Variants in TOP1MT observed in about 807,000 individuals in gnomAD.
The protein encoded by TOP1MT is DNA topoisomerase I, mitochondrial.
Under a neutral mutation model 73.9 loss-of-function variants are expected in TOP1MT, and 80 were observed. That is an observed-to-expected ratio of 1.08 (90% CI 0.90 to 1.30). TOP1MT has a LOEUF of 1.30. Ranked by LOEUF, TOP1MT falls within the 50% of genes most tolerant of loss-of-function variation. The pLI, the probability that TOP1MT is intolerant of heterozygous loss-of-function variation, is 0.00. For synonymous variants in TOP1MT, 338 were observed against 326.4 expected (o/e 1.04, Z -0.38); for missense variants, 815 against 808.0 (o/e 1.01, Z -0.10).
upstream of TOP1MT, among the ~76,000 whole-genome samples, chr8:143,357,044 A>G (rs1817421691): frequency 6.7e-6 from 1 of 148,522 alleles, no homozygotes; most frequent in Admixed American, 6.7e-5. Context: ...CAGTGAGCCA[A>G]GATAGTGCCA....
intron 6 of TOP1MT, 75 bp from the exon 7 acceptor site, chr8:143,324,217 TC>T (rs1816640904): frequency 1.3e-6 from 2 of 1,574,106 alleles, no homozygotes; most frequent in Admixed American, 1.7e-5. Flanking sequence ...CAACTCTCCC[TC>T]CCCCAAACCT....
intron 8 of TOP1MT, among the ~76,000 whole-genome samples, chr8:143,320,882 GTC>G (rs1027157145): frequency 2.0e-5 from 3 of 151,880 alleles, no homozygotes; most frequent in Non-Finnish European, 4.4e-5. Context: ...GACAATAAAC[GTC>G]TGTTAAACCA....
chr8:143,350,132 G>C (rs1453704281), intron 1 of TOP1MT: 1 of 152,138 alleles, frequency 6.6e-6, no homozygotes, highest in Admixed American at 6.6e-5. Flanking sequence ...CTCCAATTAT[G>C]TCCAAAGATG....
At chr8:143,342,757 TTAGAGACAGAGTCTTGCTC>T (rs1164588436) in intron 2 of TOP1MT, among the ~76,000 whole-genome samples, 4,847 of 102,178 alleles carry the variant, frequency 0.047, 712 homozygotes, top group Middle Eastern at 0.082. Flanking sequence ...GTTATTATTA[TTAGAGACAGAGTCTTGCTC>T]TATTATTATT....
At chr8:143,354,951 A>G (rs1817383292) in intron 1 of TOP1MT, among the ~76,000 whole-genome samples, 1 of 152,208 alleles carries the variant, frequency 6.6e-6, no homozygotes, top group Non-Finnish European at 1.5e-5. Context: ...ACAGTCACGC[A>G]ATTTTGTGAA....
intron 8 of TOP1MT, among the ~76,000 whole-genome samples, chr8:143,319,069 A>C (rs954568444): frequency 3.9e-5 from 6 of 152,102 alleles, no homozygotes; most frequent in Non-Finnish European, 7.4e-5. Flanking sequence ...CGGCAGGGGC[A>C]CTGTGGTGAG....
At chr8:143,354,210 G>C (rs1214316855) in intron 1 of TOP1MT, among the ~76,000 whole-genome samples, 1 of 152,034 alleles carries the variant, frequency 6.6e-6, no homozygotes, top group African/African-American at 2.4e-5. Context: ...ACGCAGCAGG[G>C]TGTTTTCGGC....
At chr8:143,345,280 G>A (rs894780217), upstream of TOP1MT, among the ~76,000 whole-genome samples, 1 of 152,244 alleles carries the variant, frequency 6.6e-6, no homozygotes, top group Non-Finnish European at 1.5e-5. Flanking sequence ...CAAGCCCACT[G>A]GCAGCCGAGG....
At chr8:143,327,707 C>T (rs1157196260) in intron 3 of TOP1MT, 10 of 404,406 alleles carry the variant, frequency 2.5e-5, no homozygotes, top group Middle Eastern at 3.5e-4. Context: ...ATGAGGATGC[C>T]GGGCAGCTGG....
chr8:143,347,098 C>T (rs1817236299), upstream of TOP1MT, among the ~76,000 whole-genome samples: 1 of 151,894 alleles, frequency 6.6e-6, no homozygotes, highest in Admixed American at 6.6e-5. Context: ...GATTCTCCTG[C>T]CTCAGTCTCC....
chr8:143,315,858 C>T (rs755113460), intron 11 of TOP1MT, 37 bp from the exon 12 acceptor site: 12 of 1,608,020 alleles, frequency 7.5e-6, no homozygotes, highest in East Asian at 2.2e-5. Context: ...TGCCCCTCCC[C>T]ATCCCGCACC....
At chr8:143,346,772 C>G (rs115397782), upstream of TOP1MT, among the ~76,000 whole-genome samples, 302 of 152,202 alleles carry the variant, frequency 2.0e-3, no homozygotes, top group African/African-American at 7.0e-3. Flanking sequence ...CTGGCAAGGA[C>G]CTTCTTGCTG....
intron 1 of TOP1MT, 139 bp from the exon 2 acceptor site, chr8:143,331,478 G>A: frequency 1.6e-6 from 1 of 633,694 alleles, no homozygotes. Context: ...GGAAAACAAG[G>A]CCTGCAGAGG....
chr8:143,319,633 A>G lies in TOP1MT; in HGVS notation c.1147-1547T>C, dbSNP rs1363859563. On this transcript the variant is annotated intron_variant, in intron 8 of 13. Transcript: ENST00000329245. ...CTTCAAGCCAGTCTGGAGACCAGAGATCTACCCAGCCCTTCCCGACCACAC... is the reference window on the plus strand; with the variant it reads ...CTTCAAGCCAGTCTGGAGACCAGAGGTCTACCCAGCCCTTCCCGACCACAC... 2.0e-5 allele frequency among the ~76,000 whole-genome samples: 3 copies of G among 151,708 alleles called. No individual in the cohort carries two copies. The East Asian group carries it at 5.8e-4, about 29-fold the overall frequency.
chr8:143,349,922 C>T (rs1323109773), upstream of TOP1MT, among the ~76,000 whole-genome samples: 1 of 152,082 alleles, frequency 6.6e-6, no homozygotes, highest in African/African-American at 2.4e-5. Flanking sequence ...ATTACAGGCA[C>T]GAGCCACCGT....
At position 143,323,998 on chromosome 8, in the gene TOP1MT, C is replaced by T. The variant is rs781461370; in HGVS notation, c.960+1G>A. 6.2e-6 allele frequency: 10 copies of T among 1,613,570 alleles called. No homozygotes were observed. Among genetic ancestry groups the T allele is most frequent in the Non-Finnish European group, 8.5e-6 (10 of 1,179,978 alleles). On this transcript the variant is annotated splice_donor_variant, in intron 7 of 13. Coordinates refer to ENST00000329245, the MANE Select transcript of TOP1MT (RefSeq NM_052963.3). LOFTEE classifies it high-confidence loss of function. Reference sequence around the variant, plus strand: ...CGCCAGGAAGCGAGAAGGCCGCATACCTTATCGATGAAATACAGGGCCACC... The same window carrying T: ...CGCCAGGAAGCGAGAAGGCCGCATATCTTATCGATGAAATACAGGGCCACC...
intron 1 of TOP1MT, among the ~76,000 whole-genome samples, chr8:143,353,321 T>A (rs1319912799): frequency 6.7e-6 from 1 of 150,312 alleles, no homozygotes; most frequent in Non-Finnish European, 1.5e-5. Flanking sequence ...GAGGCTGAAG[T>A]GGGAGGGTGG....
chr8:143,322,519 A>AACATGCACGCCAC (rs1816480804), intron 7 of TOP1MT, among the ~76,000 whole-genome samples: 1 of 76,022 alleles, frequency 1.3e-5, no homozygotes, highest in Non-Finnish European at 2.4e-5. Flanking sequence ...CACGCCACAC[A>AACATGCACGCCAC]ACAGGCACGC....
At chr8:143,345,993 T>C (rs554708267), upstream of TOP1MT, among the ~76,000 whole-genome samples, 1 of 152,314 alleles carries the variant, frequency 6.6e-6, no homozygotes, top group African/African-American at 2.4e-5. Context: ...CATGTCTGTA[T>C]TCTGAGTGTG....
Sources: allele counts gnomAD v4.1 joint callset (sites outside exome capture counted in the v4.1 genomes callset), GRCh38; gene constraint gnomAD v4.1.1; transcripts MANE v1.5; gene names NCBI Gene and HGNC (gene_info 2026-07-23, HGNC 2026-07-21).